The following KLHL23 variants were observed in gnomAD, a reference collection of about 807,000 sequenced individuals.
KLHL23 encodes kelch-like protein 23.
A neutral mutation model predicts 48.9 loss-of-function variants in KLHL23; 33 were observed. That is an observed-to-expected ratio of 0.67 (90% confidence interval 0.51 to 0.90). The LOEUF (loss-of-function observed/expected upper bound fraction) is 0.90, where lower values mean the gene tolerates loss of function less well. KLHL23 is among the 40% of genes least tolerant of loss of function. The pLI is 0.00. For synonymous variants in KLHL23, 234 were observed against 231.6 expected, an observed-to-expected ratio of 1.01 and a Z score of -0.09; for missense variants, 608 against 669.6, an observed-to-expected ratio of 0.91 and a Z score of 1.02.
chr2:169,739,571 C>T (rs1688624818), intron 2 of KLHL23, among the ~76,000 whole-genome samples: 1 of 152,168 alleles, frequency 6.6e-6, no homozygotes, highest in Admixed American at 6.5e-5. Context: ...AACTTCCTAC[C>T]ATCACCCAGG....
At chr2:169,741,576 G>A (rs1442917857) in intron 3 of KLHL23, 39 bp downstream of exon 3, 1 of 1,552,772 alleles carries the variant, frequency 6.4e-7, no homozygotes, top group Non-Finnish European at 8.7e-7. Flanking sequence ...ATGTTGTGAT[G>A]TAGTTTAGTA....
At chr2:169,739,193 T>C (rs903154570) in intron 2 of KLHL23, among the ~76,000 whole-genome samples, 10 of 151,280 alleles carry the variant, frequency 6.6e-5, no homozygotes, top group African/African-American at 1.9e-4. Context: ...CCTGTGTGTT[T>C]TACCTGTCTC....
At chr2:169,738,589 A>G (rs1389801723) in intron 2 of KLHL23, among the ~76,000 whole-genome samples, 1 of 152,118 alleles carries the variant, frequency 6.6e-6, no homozygotes, top group Non-Finnish European at 1.5e-5. Flanking sequence ...TCACTAATGT[A>G]CAGAGAATAA....
chr2:169,736,377 A>G, intron 2 of KLHL23, 150 bp downstream of exon 2: 1 of 1,219,162 alleles, frequency 8.2e-7, no homozygotes, highest in Non-Finnish European at 1.1e-6. Context: ...CCAGATAAAA[A>G]CAGTATAGCA....
rs750896451 is a variant in KLHL23, at chr2:169,736,082, C to G, written c.1068C>G (p.Leu356=). The G allele has an allele frequency of 1.9e-6, 3 of 1,614,160 alleles. No homozygotes were observed. The highest frequency in any genetic ancestry group is 1.7e-6 in the Non-Finnish European group (2 of 1,180,038). Reference sequence around the variant, plus strand: ...AATGGACAGAAGGTTTGCCAATGCTCAATGCCAGGTATTACCACTGTGCAG... The same window carrying G: ...AATGGACAGAAGGTTTGCCAATGCTGAATGCCAGGTATTACCACTGTGCAG... ...SDEWTEGLPM[L]NARYYHCAVT... Residue 356 remains leucine, a synonymous_variant, in exon 2 of 4, where the codon CTC becomes CTG. Coordinates refer to ENST00000392647, the MANE Select transcript of KLHL23 (RefSeq NM_144711.6).
intron 3 of KLHL23, among the ~76,000 whole-genome samples, chr2:169,748,290 G>A (rs560013850): frequency 1.3e-5 from 2 of 152,306 alleles, no homozygotes; most frequent in East Asian, 3.9e-4. Context: ...CAGGAAGGAC[G>A]CAGCTGTGCA....
intron 2 of KLHL23, among the ~76,000 whole-genome samples, chr2:169,739,548 A>G (rs890143353): frequency 2.6e-5 from 4 of 152,030 alleles, no homozygotes; most frequent in South Asian, 2.1e-4. Context: ...GCCTCCTCTC[A>G]TCTATACTTG....
At chr2:169,737,599 G>A (rs954334721) in intron 2 of KLHL23, among the ~76,000 whole-genome samples, 2 of 148,432 alleles carry the variant, frequency 1.3e-5, no homozygotes, top group African/African-American at 5.0e-5. Flanking sequence ...GTGGTTCAGA[G>A]TATATTTCTT....
At chr2:169,740,791 T>TATATAA (rs1291405019) in intron 2 of KLHL23, among the ~76,000 whole-genome samples, 1 of 140,238 alleles carries the variant, frequency 7.1e-6, no homozygotes, top group Non-Finnish European at 1.5e-5. Context: ...TATATATATA[T>TATATAA]AACTTATTTA....
Position 169,735,501 on chromosome 2 carries a change from T to C in KLHL23, c.487T>C (p.Cys163Arg), listed in dbSNP as rs752590634. ...ELEKESRRIL[C>R]SKFKEVWQQE... ...AGAGAAGGAATCTCGAAGAATTCTATGTTCAAAGTTTAAGGAAGTGTGGCA... is the reference window on the plus strand; with the variant it reads ...AGAGAAGGAATCTCGAAGAATTCTACGTTCAAAGTTTAAGGAAGTGTGGCA... Residue 163 changes from cysteine to arginine, a missense_variant, in exon 2 of 4, where the codon TGT becomes CGT. By Grantham distance (180) the Cys-to-Arg change is radical. This residue lies in a region of KLHL23 where 419 missense variants were observed against 473.1 expected (regional missense o/e 0.89). Transcript: ENST00000392647. This position sits in a 1 kb window ranked among gnomAD's most constrained non-coding sequence, Gnocchi z 4.5. The C allele has an allele frequency of 3.1e-6, 5 of 1,613,954 alleles. No homozygotes were observed. The highest frequency in any genetic ancestry group is 1.1e-5 in the South Asian group (1 of 91,078).
chr2:169,735,413 C>CT lies in KLHL23; in HGVS notation c.401dup (p.Leu134PhefsTer4). 1 of 1,613,758 alleles carries CT rather than the reference C, an allele frequency of 6.2e-7. No homozygotes were observed. On this transcript the variant is annotated frameshift_variant, in exon 2 of 4. Transcript: ENST00000392647. LOFTEE classifies it high-confidence loss of function. The surrounding 1 kb of genome is among the most constrained non-coding windows in gnomAD (Gnocchi z 4.5). The stretch of plus-strand genomic sequence containing the variant: ...CTTGTGAGCGGTTTTTGGTAAGGCA[C>CT]TTGGATATTGATAATTGTATTGGAA...
At chr2:169,741,194 G>A (rs1024682457) in intron 2 of KLHL23, 191 bp from the exon 3 acceptor site, 2 of 566,080 alleles carry the variant, frequency 3.5e-6, no homozygotes, top group African/African-American at 1.9e-5. Context: ...CTGTGTTTGT[G>A]TGCACGTCTC....
chr2:169,736,317 G>A, intron 2 of KLHL23, 90 bp downstream of exon 2: 1 of 1,475,790 alleles, frequency 6.8e-7, no homozygotes, highest in South Asian at 1.4e-5. Flanking sequence ...ACTTTGGGAT[G>A]CTATCTAGGA....
chr2:169,746,617 G>A (rs149733373), intron 3 of KLHL23, among the ~76,000 whole-genome samples: 209 of 152,246 alleles, frequency 1.4e-3, no homozygotes, highest in Non-Finnish European at 2.5e-3. Context: ...AAGAAAAAAC[G>A]CAATTACAGC....
intron 2 of KLHL23, 33 bp from the exon 3 acceptor site, chr2:169,741,352 C>G (rs1574524640): frequency 6.4e-7 from 1 of 1,565,186 alleles, no homozygotes; most frequent in Non-Finnish European, 8.7e-7. Context: ...AACAAAAGAT[C>G]AATCTAAAGA....
In KLHL23 at chr2:169,741,476, A is replaced by T. The variant is rs941851878; in HGVS notation, c.1305A>T (p.Lys435Asn). The change falls in exon 3 of 4, where the codon AAA becomes AAT. Residue 435 changes from lysine to asparagine, a missense_variant. By Grantham distance (94) the Lys-to-Asn change is moderately conservative. Coordinates refer to ENST00000392647, the MANE Select transcript of KLHL23 (RefSeq NM_144711.6). ...ACAGAGGAAGCTGCACCTATGACAA[A>T]GTTCAGAGCTACAATTCCGATATCA... ...CGYRGSCTYD[K>N]VQSYNSDINE... 1 of 1,614,022 alleles carries T rather than the reference A, an allele frequency of 6.2e-7. No homozygotes were observed.
chr2:169,751,249 G>A lies in KLHL23; in HGVS notation c.*1517G>A, dbSNP rs1688962686. ...GTTGCTTAACTCCTTTACACCATTA[G>A]TTATCTGTGAGACCATCTATTCCAC... On this transcript the variant is annotated 3_prime_UTR_variant, in exon 4 of 4. Transcript: ENST00000392647. 6.6e-6 allele frequency: 1 copy of A among 152,132 alleles called. No homozygotes were observed. The highest frequency in any genetic ancestry group is 1.5e-5 in the Non-Finnish European group (1 of 68,016). The allele number at this position is 152,132 out of a possible 1,614,324, so 9.4% of individuals were successfully genotyped here. A position where few individuals can be genotyped will look rare whatever the true frequency, so the allele number is the denominator to read the frequency against.
At chr2:169,749,052 C>A (rs142538987) in intron 3 of KLHL23, among the ~76,000 whole-genome samples, 1 of 152,158 alleles carries the variant, frequency 6.6e-6, no homozygotes, top group Non-Finnish European at 1.5e-5. Flanking sequence ...CACTGCTTAT[C>A]GAGGGTATCT....
At position 169,749,940 on chromosome 2, in the gene KLHL23, C is replaced by CGT. The variant is rs1688905191; in HGVS notation, c.*208_*209insGT. ...ATATATATATATATATACACACACA[C>CGT]ATATATGTGTTCATATATATGTATA... On this transcript the variant is annotated 3_prime_UTR_variant, in exon 4 of 4. Coordinates refer to ENST00000392647, the MANE Select transcript of KLHL23 (RefSeq NM_144711.6). The CGT allele has an allele frequency of 5.1e-6, 1 of 197,162 alleles. No individual in the cohort carries two copies. 12.2% of individuals were successfully genotyped at this position (197,162 alleles called of 1,614,324 possible).
Sources: gnomAD v4.1 joint callset for allele counts (sites outside exome capture counted in the v4.1 genomes callset) on GRCh38, gnomAD v4.1.1 for gene constraint, gnomAD v4.1.1 regional missense constraint, Gnocchi (gnomAD v3.1) non-coding constraint, MANE v1.5 for transcripts, NCBI Gene and HGNC (gene_info 2026-07-23, HGNC 2026-07-21) for gene names.